The following NXNL2 variants were observed in gnomAD, a reference collection of about 807,000 sequenced individuals.
The protein encoded by NXNL2 is nucleoredoxin-like protein 2.
In NXNL2, 7 loss-of-function variants were observed where a neutral mutation model predicts 11.1. The observed-to-expected ratio is 0.63, with a 90% CI of 0.36 to 1.18. NXNL2 has a LOEUF of 1.18. Ranked by LOEUF, NXNL2 falls within the 50% of genes most tolerant of loss-of-function variation. The pLI, the probability that NXNL2 is intolerant of heterozygous loss-of-function variation, is 0.02. For missense variants in NXNL2, 233 were observed against 217.7 expected (o/e 1.07, Z -0.44); for synonymous variants, 109 against 101.8 (o/e 1.07, Z -0.42).
chr9:88,581,937 C>T (rs188822081), intron 1 of NXNL2, among the ~76,000 whole-genome samples: 4 of 152,276 alleles, frequency 2.6e-5, no homozygotes, highest in South Asian at 2.1e-4. Context: ...CATTTGTGGC[C>T]GGTTCTGGTG....
chr9:88,561,431 A>T (rs775177075), intron 1 of NXNL2, among the ~76,000 whole-genome samples: 7 of 151,010 alleles, frequency 4.6e-5, no homozygotes, highest in Non-Finnish European at 8.9e-5. Flanking sequence ...CTATCTATCA[A>T]TCTATCGATC....
At chr9:88,565,836 C>A (rs924907875) in intron 1 of NXNL2, among the ~76,000 whole-genome samples, 18 of 152,256 alleles carry the variant, frequency 1.2e-4, no homozygotes, top group Middle Eastern at 3.4e-3. Context: ...CGTGCCCAGC[C>A]AACACTTGTA....
At chr9:88,560,252 C>G (rs1830069867) in intron 1 of NXNL2, among the ~76,000 whole-genome samples, 1 of 151,746 alleles carries the variant, frequency 6.6e-6, no homozygotes, top group Non-Finnish European at 1.5e-5. Flanking sequence ...GAGGTTCTCC[C>G]CTGAGATCCT....
chr9:88,580,731 A>G (rs532587845), downstream of NXNL2, among the ~76,000 whole-genome samples: 1 of 152,230 alleles, frequency 6.6e-6, no homozygotes, highest in Admixed American at 6.5e-5. Flanking sequence ...GAATCCACCC[A>G]TGCTCTTCAG....
rs537946154 is a variant in NXNL2, at chr9:88,543,146, T to C, written c.303-1233T>C. On this transcript the variant is annotated intron_variant, in intron 1 of 1. Transcript: ENST00000375854. ...CATCAGGTTATAGATACTGTAAATG[T>C]AAATGATGTAAAATGAGGCTAAGAA... 1.9e-4 allele frequency among the ~76,000 whole-genome samples: 29 copies of C among 152,336 alleles called. No individual in the cohort carries two copies. In the South Asian group the frequency reaches 5.2e-3, roughly 27 times the overall value.
At chr9:88,552,053 G>A (rs1288814001) in intron 1 of NXNL2, among the ~76,000 whole-genome samples, 2 of 152,096 alleles carry the variant, frequency 1.3e-5, no homozygotes, top group African/African-American at 2.4e-5. Flanking sequence ...TTCCTTATAG[G>A]TGCCTGTATT....
chr9:88,583,091 C>A (rs4448377), intron 1 of NXNL2, among the ~76,000 whole-genome samples: 13 of 152,116 alleles, frequency 8.5e-5, no homozygotes, highest in Admixed American at 5.9e-4. Context: ...GGCAGCCAGG[C>A]AGCTAGGACA....
intron 1 of NXNL2, among the ~76,000 whole-genome samples, chr9:88,564,763 C>T (rs1250977294): frequency 6.6e-6 from 1 of 152,174 alleles, no homozygotes; most frequent in Non-Finnish European, 1.5e-5. Flanking sequence ...ATTTACCTTT[C>T]TCTTTCTCAT....
chr9:88,549,820 G>A (rs554235343), downstream of NXNL2, among the ~76,000 whole-genome samples: 1 of 152,268 alleles, frequency 6.6e-6, no homozygotes, highest in East Asian at 1.9e-4. Flanking sequence ...AAGGGAGGGG[G>A]AAGGTGCCAC....
rs780755311 is a variant in NXNL2, at chr9:88,535,596, G to A, written c.162G>A (p.Ala54=). The A allele has an allele frequency of 1.6e-5, 25 of 1,609,418 alleles. No homozygotes were observed. The highest frequency in any genetic ancestry group is 2.0e-5 in the Non-Finnish European group (23 of 1,179,330). The change falls in exon 1 of 2, where the codon GCG becomes GCA. Residue 54 remains alanine (A), a synonymous_variant. Coordinates refer to ENST00000375854, the MANE Select transcript of NXNL2 (RefSeq NM_001161625.2). ...FTPLLCDFYT[A]LVAEARRPAP... is the part of the protein sequence containing the mutation. ...CGCTGCTCTGCGACTTCTATACGGC[G>A]CTGGTGGCCGAGGCGCGGCGGCCCG...
At chr9:88,558,467 T>G (rs1301676496) in intron 1 of NXNL2, among the ~76,000 whole-genome samples, 9 of 152,196 alleles carry the variant, frequency 5.9e-5, no homozygotes, top group Non-Finnish European at 2.9e-5. Context: ...TGGATAGATG[T>G]AAGTGAAGTG....
chr9:88,573,248 GTCC>G (rs1830299380), intron 2 of NXNL2, among the ~76,000 whole-genome samples: 1 of 151,940 alleles, frequency 6.6e-6, no homozygotes, highest in Non-Finnish European at 1.5e-5. Flanking sequence ...GGTTCAGGCA[GTCC>G]TCCTACCTCA....
rs762001333 is a variant in NXNL2 at position 88,535,452 on chromosome 9, C to T, written c.18C>T (p.Gly6=). MVDIL[G]ERHLVTCKGA... ...TCTGCGCCATGGTTGACATTCTGGG[C>T]GAGCGGCACCTGGTGACCTGTAAGG... is the stretch of plus-strand genomic sequence containing the variant. Residue 6 remains glycine (G), a synonymous_variant, in exon 1 of 2, where the codon GGC becomes GGT. Coordinates refer to ENST00000375854, the MANE Select transcript of NXNL2 (RefSeq NM_001161625.2). 3.7e-6 allele frequency: 6 copies of T among 1,602,370 alleles called. No individual in the cohort carries two copies. Among genetic ancestry groups the T allele is most frequent in the East Asian group, 4.5e-5 (2 of 44,610 alleles).
At chr9:88,537,020 G>A (rs1053953961) in intron 1 of NXNL2, among the ~76,000 whole-genome samples, 1 of 152,186 alleles carries the variant, frequency 6.6e-6, no homozygotes, top group African/African-American at 2.4e-5. Flanking sequence ...AGCGAGAGAC[G>A]ATGGCAGTAT....
At chr9:88,555,436 T>C (rs969234899) in intron 1 of NXNL2, among the ~76,000 whole-genome samples, 1 of 151,954 alleles carries the variant, frequency 6.6e-6, no homozygotes, top group Non-Finnish European at 1.5e-5. Context: ...TCTTTTAGCA[T>C]GCTGATGCAC....
At chr9:88,573,170 G>T (rs1057387783) in intron 2 of NXNL2, among the ~76,000 whole-genome samples, 5 of 151,544 alleles carry the variant, frequency 3.3e-5, no homozygotes, top group Non-Finnish European at 7.4e-5. Context: ...TTGAGACAAG[G>T]TCTTGCTCTG....
intron 1 of NXNL2, 45 bp downstream of exon 1, chr9:88,535,781 C>T (rs1829602469): frequency 1.4e-6 from 2 of 1,462,268 alleles, no homozygotes; most frequent in Admixed American, 2.2e-5. Flanking sequence ...GGCACGTCTC[C>T]CCCATGTTCC....
chr9:88,565,008 C>A (rs1830148014), intron 1 of NXNL2, among the ~76,000 whole-genome samples: 1 of 152,154 alleles, frequency 6.6e-6, no homozygotes, highest in Non-Finnish European at 1.5e-5. Context: ...CATTGAGTAG[C>A]AACCTCCCAT....
chr9:88,540,107 T>A (rs962541003), intron 1 of NXNL2, among the ~76,000 whole-genome samples: 1 of 151,560 alleles, frequency 6.6e-6, no homozygotes, highest in Admixed American at 6.6e-5. Context: ...CCGAGGCGGG[T>A]GGATCACAAA....
Sources: allele counts gnomAD v4.1 joint callset (sites outside exome capture counted in the v4.1 genomes callset), GRCh38; gene constraint gnomAD v4.1.1; transcripts MANE v1.5; gene names NCBI Gene and HGNC (gene_info 2026-07-23, HGNC 2026-07-21).